The following GSAP variants were observed in gnomAD, a reference collection of about 807,000 sequenced individuals.
GSAP encodes the protein gamma-secretase-activating protein.
In GSAP, 118 loss-of-function variants were observed where a neutral mutation model predicts 131.7. The ratio of observed to expected loss-of-function variants is 0.90; its 90% CI spans 0.77 to 1.04. The LOEUF (loss-of-function observed/expected upper bound fraction) is 1.04, where lower values mean the gene tolerates loss of function less well. GSAP is among the 50% of genes least tolerant of loss of function. GSAP has a pLI of 0.00. For missense variants in GSAP, 1,019 were observed against 1,013.2 expected (o/e 1.01, Z -0.08); for synonymous variants, 381 against 363.4 (o/e 1.05, Z -0.55).
At chr7:77,354,476 G>C (rs1415842117) in intron 16 of GSAP, among the ~76,000 whole-genome samples, 1 of 152,110 alleles carries the variant, frequency 6.6e-6, no homozygotes, top group Non-Finnish European at 1.5e-5. Context: ...TGCTTTGTAA[G>C]GGTCTTTAAA....
intron 5 of GSAP, among the ~76,000 whole-genome samples, chr7:77,388,583 AAAG>A (rs1317311072): frequency 5.9e-5 from 9 of 152,222 alleles, no homozygotes; most frequent in Non-Finnish European, 1.0e-4. Context: ...ACACCGTAGA[AAAG>A]AAGGACTGGC....
At chr7:77,385,869 G>A (rs557005732) in intron 6 of GSAP, among the ~76,000 whole-genome samples, 4 of 152,320 alleles carry the variant, frequency 2.6e-5, no homozygotes, top group Admixed American at 6.5e-5. Context: ...TTTGAGTGGT[G>A]CAAATTGACT....
At chr7:77,311,962 G>T in intron 29 of GSAP, 22 bp from the exon 30 acceptor site, 4 of 1,387,716 alleles carry the variant, frequency 2.9e-6, no homozygotes, top group African/African-American at 1.4e-5. Context: ...ACCACTTCTG[G>T]TGTAAGCTGA....
At chr7:77,402,027 A>G (rs866750370) in intron 3 of GSAP, among the ~76,000 whole-genome samples, 7 of 152,230 alleles carry the variant, frequency 4.6e-5, no homozygotes, top group Non-Finnish European at 1.0e-4. Flanking sequence ...TAGTTACACA[A>G]GATTTAACAA....
At chr7:77,314,312 C>G in intron 27 of GSAP, 58 bp downstream of exon 27, 1 of 1,601,278 alleles carries the variant, frequency 6.2e-7, no homozygotes, top group East Asian at 2.2e-5. Flanking sequence ...ACCCAAGAAG[C>G]TAGCCTTGGT....
intron 3 of GSAP, among the ~76,000 whole-genome samples, chr7:77,398,431 A>G (rs1189860012): frequency 6.6e-6 from 1 of 152,188 alleles, no homozygotes; most frequent in Non-Finnish European, 1.5e-5. Flanking sequence ...TACTAAGAAG[A>G]ATCTAATTCT....
intron 4 of GSAP, 97 bp from the exon 5 acceptor site, chr7:77,397,132 G>T (rs1396890644): frequency 1.2e-6 from 1 of 807,116 alleles, no homozygotes; most frequent in Non-Finnish European, 2.0e-6. Context: ...GGGCTCAAAG[G>T]ATATGTCAAC....
intron 26 of GSAP, among the ~76,000 whole-genome samples, chr7:77,317,401 T>C (rs750494582): frequency 5.1e-4 from 77 of 150,082 alleles, no homozygotes; most frequent in Admixed American, 1.1e-3. Context: ...GGGGGAGGGA[T>C]AGCATTAGGA....
chr7:77,320,069 C>T (rs1225566507), intron 26 of GSAP, among the ~76,000 whole-genome samples: 3 of 152,082 alleles, frequency 2.0e-5, no homozygotes, highest in African/African-American at 7.2e-5. Flanking sequence ...ATGTAATGAG[C>T]ACAAGACAGT....
chr7:77,335,228 C>T (rs1458964462), intron 19 of GSAP, among the ~76,000 whole-genome samples: 2 of 152,060 alleles, frequency 1.3e-5, no homozygotes, highest in Admixed American at 1.3e-4. Context: ...GGTGAAAACC[C>T]GGCTCTATTA....
At chr7:77,390,343 A>G (rs1030425034) in intron 5 of GSAP, among the ~76,000 whole-genome samples, 2 of 152,008 alleles carry the variant, frequency 1.3e-5, no homozygotes, top group Non-Finnish European at 2.9e-5. Flanking sequence ...GGTGTTTTAG[A>G]CATGAAGTCC....
At chr7:77,386,059 G>GA (rs34485784) in intron 6 of GSAP, among the ~76,000 whole-genome samples, 59,618 of 151,958 alleles carry the variant, frequency 0.39, 12,744 homozygotes, top group African/African-American at 0.55. Flanking sequence ...TGTTTCTAGG[G>GA]AAATACAAAG....
intron 19 of GSAP, among the ~76,000 whole-genome samples, chr7:77,334,601 A>AAAAAAAAAAAAAAAAAAAAAAAAAAAC: frequency 6.7e-6 from 1 of 149,076 alleles, no homozygotes; most frequent in Admixed American, 6.6e-5. Context: ...AAAAAAAAAA[A>AAAAAAAAAAAAAAAAAAAAAAAAAAAC]AAAAAGATGA....
intron 1 of GSAP, among the ~76,000 whole-genome samples, chr7:77,412,846 T>C (rs1192383957): frequency 1.3e-5 from 2 of 151,392 alleles, no homozygotes; most frequent in East Asian, 1.9e-4. Flanking sequence ...ATCAGAAACA[T>C]TTCCACACCA....
intron 19 of GSAP, among the ~76,000 whole-genome samples, chr7:77,346,211 A>C (rs1211303198): frequency 1.4e-5 from 2 of 142,206 alleles, no homozygotes; most frequent in Non-Finnish European, 3.0e-5. Flanking sequence ...CAGAGGCTGC[A>C]GTGAGCCGAG....
chr7:77,320,075 A>G (rs921787151), intron 26 of GSAP, among the ~76,000 whole-genome samples: 2 of 152,272 alleles, frequency 1.3e-5, no homozygotes, highest in South Asian at 4.1e-4. Flanking sequence ...TGAGCACAAG[A>G]CAGTTTATAG....
chr7:77,314,183 G>A (rs1794720711), intron 27 of GSAP, among the ~76,000 whole-genome samples, 187 bp downstream of exon 27: 1 of 152,186 alleles, frequency 6.6e-6, no homozygotes, highest in Admixed American at 6.5e-5. Context: ...AGCACAAAAT[G>A]AACACGAGCA....
chr7:77,387,342 A>G lies in GSAP; in HGVS notation c.456+18T>C, dbSNP rs775659470. The G allele has an allele frequency of 1.6e-6, 2 of 1,271,886 alleles. No homozygotes were observed. Among genetic ancestry groups the G allele is most frequent in the Non-Finnish European group, 2.3e-6 (2 of 868,158 alleles). 78.8% of individuals were successfully genotyped at this position (1,271,886 alleles called of 1,614,324 possible). A position where few individuals can be genotyped will look rare whatever the true frequency, so the allele number is the denominator to read the frequency against. ...CTTTTGATTAATGAGATAAGTGATA[A>G]ATGGCATGCTTACTTACCTGAACCC... On this transcript the variant is annotated intron_variant, in intron 6 of 30. Transcript: ENST00000257626.
At chr7:77,387,506 C>G in intron 5 of GSAP, 58 bp from the exon 6 acceptor site, 1 of 927,688 alleles carries the variant, frequency 1.1e-6, no homozygotes, top group Non-Finnish European at 1.8e-6. Flanking sequence ...ATTATTTTTT[C>G]CAAAGCAAGG....
Sources: allele counts gnomAD v4.1 joint callset (sites outside exome capture counted in the v4.1 genomes callset), GRCh38; gene constraint gnomAD v4.1.1; transcripts MANE v1.5; gene names NCBI Gene and HGNC (gene_info 2026-07-23, HGNC 2026-07-21).